The following ZNF500 variants were observed in gnomAD, a reference collection of about 807,000 sequenced individuals.
ZNF500 encodes the protein zinc finger protein with KRAB and SCAN domains 18.
A neutral mutation model predicts 30.1 loss-of-function variants in ZNF500; 31 were observed. The ratio of observed to expected loss-of-function variants is 1.03; its 90% confidence interval spans 0.77 to 1.39. The LOEUF is 1.39. Among genes scored for constraint, ZNF500 ranks in the 40% most tolerant of loss-of-function variants. ZNF500 has a pLI of 0.00. For synonymous variants in ZNF500, 392 were observed against 282.0 expected, an observed-to-expected ratio of 1.39 and a Z score of -3.91; for missense variants, 817 against 657.8, an observed-to-expected ratio of 1.24 and a Z score of -2.65.
chr16:4,759,629 GCTGT>G (rs1053777160), intron 5 of ZNF500, among the ~76,000 whole-genome samples: 2 of 152,060 alleles, frequency 1.3e-5, no homozygotes, highest in Admixed American at 6.5e-5. Flanking sequence ...AACCAAGGGA[GCTGT>G]CTAAGTACCC....
intron 2 of ZNF500, 44 bp downstream of exon 2, chr16:4,765,521 A>G (rs2082254515): frequency 2.6e-6 from 4 of 1,539,848 alleles, no homozygotes; most frequent in Non-Finnish European, 3.5e-6. Context: ...CCCCAGCAGC[A>G]GGGCCCCATT....
chr16:4,755,253 C>T (rs1449812127), intron 5 of ZNF500, among the ~76,000 whole-genome samples: 1 of 152,182 alleles, frequency 6.6e-6, no homozygotes, highest in Non-Finnish European at 1.5e-5. Context: ...CCTCAGCCTC[C>T]CAAAGTGCTG....
rs114949826 is a variant in ZNF500 at position 4,762,391 on chromosome 16, C to T, written c.599-56G>A. ...ACAGCTCACCCAGTACTGCCCCTGC[C>T]GTCCCCTGCACACCAAGGCCCCAAC... On this transcript the variant is annotated intron_variant, in intron 3 of 5. Coordinates refer to ENST00000219478, the MANE Select transcript of ZNF500 (RefSeq NM_021646.4). 1.1e-3 allele frequency: 1,768 copies of T among 1,550,074 alleles called. 12 individuals carry two copies. The African/African-American group carries it at 0.021, about 18-fold the overall frequency.
chr16:4,751,365 C>G lies in ZNF500; in HGVS notation c.*1011G>C, dbSNP rs11076845. On this transcript the variant is annotated 3_prime_UTR_variant, in exon 6 of 6. Transcript: ENST00000219478. ...CAGACACTAAGGGGCCAGGAGCAAA[C>G]GCAGCCCTGGGCCCCGGCCCTGGGG... 0.6 allele frequency: 325,425 copies of G among 541,834 alleles called. 99,200 individuals carry two copies. Among genetic ancestry groups the G allele is most frequent in the East Asian group, 0.68 (21,198 of 30,992 alleles). 33.6% of individuals were successfully genotyped at this position (541,834 alleles called of 1,614,324 possible). A position where few individuals can be genotyped will look rare whatever the true frequency, so the allele number is the denominator to read the frequency against.
At position 4,750,544 on chromosome 16, in the gene ZNF500, A is replaced by T. The variant is rs1048183785; in HGVS notation, c.*1832T>A. The T allele has an allele frequency of 4.0e-5, 6 of 151,218 alleles. No homozygotes were observed. The highest frequency in any genetic ancestry group is 1.5e-4 in the African/African-American group (6 of 41,042). 9.4% of individuals were successfully genotyped at this position (151,218 alleles called of 1,614,324 possible). On this transcript the variant is annotated 3_prime_UTR_variant, in exon 6 of 6. Transcript: ENST00000219478. ...TCGTTCTATCACCAGGCTGGAGTAC[A>T]ACGGTGCGACCTCGGCTCACTGCAA...
At position 4,762,352 on chromosome 16, in the gene ZNF500, T is replaced by A. The variant is rs2082214056; in HGVS notation, c.599-17A>T. On this transcript the variant is annotated splice_polypyrimidine_tract_variant and intron_variant, in intron 3 of 5. Transcript: ENST00000219478. The stretch of plus-strand genomic sequence containing the variant: ...CTGGAGGGCCTGGGAAGGAGCAGAG[T>A]CACCACCAGTCACACAGCTCACCCA... 6.3e-7 allele frequency: 1 copy of A among 1,594,842 alleles called. No individual in the cohort carries two copies. Among genetic ancestry groups the A allele is most frequent in the Admixed American group, 1.7e-5 (1 of 57,376 alleles).
chr16:4,747,693 G>A (rs897869140), downstream of ZNF500: 22 of 1,496,850 alleles, frequency 1.5e-5, no homozygotes, highest in East Asian at 7.2e-5. Flanking sequence ...CCTGGGCCCC[G>A]GTGTCCCCTT....
chr16:4,756,649 G>A (rs946153313), intron 5 of ZNF500: 2 of 152,042 alleles, frequency 1.3e-5, no homozygotes, highest in African/African-American at 4.8e-5. Flanking sequence ...CTGAGTAGCT[G>A]GGACTATAGG....
Position 4,751,713 on chromosome 16 carries a change from G to A in ZNF500, c.*663C>T, listed in dbSNP as rs980032892. On this transcript the variant is annotated 3_prime_UTR_variant, in exon 6 of 6. Transcript: ENST00000219478. ...TAATTAGTTAAGATGAGGTCACAGT[G>A]TATTGGGGGACCCTAAACCCAGTGA... is the stretch of plus-strand genomic sequence containing the variant. The A allele has an allele frequency of 6.3e-6, 9 of 1,437,424 alleles. No individual in the cohort carries two copies. The highest frequency in any genetic ancestry group is 7.6e-6 in the Non-Finnish European group (8 of 1,058,420). The allele number at this position is 1,437,424 out of a possible 1,614,324, so 89.0% of individuals were successfully genotyped here. A position where few individuals can be genotyped will look rare whatever the true frequency, so the allele number is the denominator to read the frequency against.
At chr16:4,747,173 C>G, downstream of ZNF500, 2 of 1,200,608 alleles carry the variant, frequency 1.7e-6, no homozygotes, top group Non-Finnish European at 2.3e-6. Flanking sequence ...TTTCATCATC[C>G]TGCCCACGTC....
rs1345943213 is a variant in ZNF500 at position 4,751,723 on chromosome 16, A to C, written c.*653T>G. 7.5e-7 allele frequency: 1 copy of C among 1,327,704 alleles called. No homozygotes were observed. The highest frequency in any genetic ancestry group is 2.0e-5 in the Admixed American group (1 of 50,472). 82.2% of individuals were successfully genotyped at this position (1,327,704 alleles called of 1,614,324 possible). On this transcript the variant is annotated 3_prime_UTR_variant, in exon 6 of 6. Coordinates refer to ENST00000219478, the MANE Select transcript of ZNF500 (RefSeq NM_021646.4). Reference sequence around the variant, plus strand: ...AGATGAGGTCACAGTGTATTGGGGGACCCTAAACCCAGTGAGTGGTGGCCC... The same window carrying C: ...AGATGAGGTCACAGTGTATTGGGGGCCCCTAAACCCAGTGAGTGGTGGCCC...
downstream of ZNF500, among the ~76,000 whole-genome samples, chr16:4,748,061 G>C (rs1253021240): frequency 2.0e-5 from 3 of 152,046 alleles, no homozygotes; most frequent in Non-Finnish European, 4.4e-5. Flanking sequence ...AGAGACCTAA[G>C]CCTTATTTTC....
chr16:4,765,672 G>A lies in ZNF500; in HGVS notation c.307C>T (p.Pro103Ser), dbSNP rs962456213. The A allele has an allele frequency of 3.1e-6, 5 of 1,613,622 alleles. No homozygotes were observed. Among genetic ancestry groups the A allele is most frequent in the Non-Finnish European group, 4.2e-6 (5 of 1,179,956 alleles). Reference protein sequence around the residue: ...LVLEQFLTVLPGEIQARVREQ... With the variant: ...LVLEQFLTVLSGEIQARVREQ... ...CGTACCCGAGCCTGGATCTCCCCCG[G>A]CAGCACAGTCAGGAACTGCTCCAGC... The change falls in exon 2 of 6, where the codon CCG (proline) becomes TCG (serine). Residue 103 changes from proline to serine, a missense_variant. Physicochemically the swap from Pro to Ser is moderately conservative, Grantham distance 74 (BLOSUM62 -1). Coordinates refer to ENST00000219478, the MANE Select transcript of ZNF500 (RefSeq NM_021646.4).
rs1166381190 is a variant in ZNF500 at position 4,751,577 on chromosome 16, G to C, written c.*799C>G. On this transcript the variant is annotated 3_prime_UTR_variant, in exon 6 of 6. Transcript: ENST00000219478. Reference sequence around the variant, plus strand: ...TGAAGAAGCTGGAGACCACGTCCTGGGAAGGCTGGGGTACAGCAGGGCTCC... The same window carrying C: ...TGAAGAAGCTGGAGACCACGTCCTGCGAAGGCTGGGGTACAGCAGGGCTCC... The C allele has an allele frequency of 6.5e-7, 1 of 1,533,976 alleles. No individual in the cohort carries two copies. The highest frequency in any genetic ancestry group is 8.7e-7 in the Non-Finnish European group (1 of 1,146,380).
intron 4 of ZNF500, 113 bp from the exon 5 acceptor site, chr16:4,760,701 C>T: frequency 1.1e-6 from 1 of 874,640 alleles, no homozygotes; most frequent in Non-Finnish European, 1.8e-6. Context: ...TGGCGCCAAG[C>T]CTGGTGGTGC....
chr16:4,744,748 G>A (rs2081991697), downstream of ZNF500: 7 of 1,243,978 alleles, frequency 5.6e-6, no homozygotes, highest in East Asian at 1.7e-4. Flanking sequence ...CTGGGCGGGG[G>A]CAGTGGAGGA....
Position 4,765,913 on chromosome 16 carries a change from G to A in ZNF500, c.66C>T (p.Ile22=). 1 of 1,611,264 alleles carries A rather than the reference G, an allele frequency of 6.2e-7. No individual in the cohort carries two copies. Among genetic ancestry groups the A allele is most frequent in the Non-Finnish European group, 8.5e-7 (1 of 1,179,032 alleles). The change falls in exon 2 of 6, where the codon ATC becomes ATT. Residue 22 remains isoleucine, a synonymous_variant. Transcript: ENST00000219478. Reference sequence around the variant, plus strand: ...AGTCCTCCTCCACCTTCACAATCAGGATCTCTTCCTGTTCCAGGTCCTGCT... The same window carrying A: ...AGTCCTCCTCCACCTTCACAATCAGAATCTCTTCCTGTTCCAGGTCCTGCT... ...TLEQDLEQEE[I]LIVKVEEDFC... is the part of the protein sequence containing the mutation.
At chr16:4,747,645 C>T, downstream of ZNF500, 2 of 1,588,794 alleles carry the variant, frequency 1.3e-6, no homozygotes, top group Non-Finnish European at 1.7e-6. Flanking sequence ...GTAGTGGGAT[C>T]CCAGGAGTGG....
rs779074465 is a variant in ZNF500, at chr16:4,765,961, G to T, written c.18C>A (p.Gly6=). The stretch of plus-strand genomic sequence containing the variant: ...GCTCCAAGGTTGGCAGGGGCTGGAG[G>T]CCAGGGACAGTGGCCATTGCTTCCG... MATVP[G]LQPLPTLEQD... Residue 6 remains glycine, a synonymous_variant, in exon 2 of 6, where the codon GGC becomes GGA. Coordinates refer to ENST00000219478, the MANE Select transcript of ZNF500 (RefSeq NM_021646.4). 1.9e-6 allele frequency: 3 copies of T among 1,572,854 alleles called. No homozygotes were observed. The highest frequency in any genetic ancestry group is 2.6e-6 in the Non-Finnish European group (3 of 1,162,224).
Sources: gnomAD v4.1 joint callset for allele counts (sites outside exome capture counted in the v4.1 genomes callset) on GRCh38, gnomAD v4.1.1 for gene constraint, MANE v1.5 for transcripts, NCBI Gene and HGNC (gene_info 2026-07-23, HGNC 2026-07-21) for gene names.